The following SNTB2 variants were observed in gnomAD, a reference collection of about 807,000 sequenced individuals.
The protein encoded by SNTB2 is syntrophin beta 2, also known as beta-2-syntrophin.
A neutral mutation model predicts 46.2 loss-of-function variants in SNTB2; 34 were observed. That is an observed-to-expected ratio of 0.74 (90% CI 0.56 to 0.98). The LOEUF (loss-of-function observed/expected upper bound fraction) is 0.98, where lower values mean the gene tolerates loss of function less well. Ranked by LOEUF, SNTB2 falls within the 50% of genes least tolerant of loss-of-function variation. SNTB2 has a pLI of 0.00. For missense variants in SNTB2, 603 were observed against 731.4 expected (o/e 0.82, Z 2.02); for synonymous variants, 290 against 312.6 (o/e 0.93, Z 0.76).
intron 2 of SNTB2, among the ~76,000 whole-genome samples, chr16:69,254,960 T>G (rs1964759353): frequency 6.6e-6 from 1 of 152,164 alleles, no homozygotes; most frequent in African/African-American, 2.4e-5. Context: ...TTCTGCCCAG[T>G]AATCTGTGTC....
intron 1 of SNTB2, among the ~76,000 whole-genome samples, chr16:69,209,525 T>C (rs991013332): frequency 6.6e-6 from 1 of 152,220 alleles, no homozygotes; most frequent in African/African-American, 2.4e-5. Flanking sequence ...ATTCAACCAG[T>C]ATTTAATTCA....
intron 2 of SNTB2, among the ~76,000 whole-genome samples, 194 bp from the exon 3 acceptor site, chr16:69,259,856 T>C (rs920553863): frequency 6.9e-6 from 1 of 145,904 alleles, no homozygotes; most frequent in African/African-American, 2.5e-5. Context: ...GCAATCCCCC[T>C]GCCTTGGCCT....
intron 1 of SNTB2, among the ~76,000 whole-genome samples, chr16:69,191,557 C>CA (rs1204153764): frequency 0.081 from 4,846 of 60,090 alleles, 316 homozygotes; most frequent in Non-Finnish European, 0.12. Flanking sequence ...GATCCTGTCT[C>CA]AAAAAAAAAA....
chr16:69,254,911 TA>T (rs1380261366), intron 2 of SNTB2, among the ~76,000 whole-genome samples: 5 of 151,922 alleles, frequency 3.3e-5, no homozygotes, highest in Admixed American at 6.6e-5. Flanking sequence ...TTGAGACCTG[TA>T]TGGTCAAGGC....
Position 69,204,109 on chromosome 16 carries a change from T to G in SNTB2, c.580+16363T>G, listed in dbSNP as rs1010639902. ...AGTTTCACCATGTTGGCCAGGCTGGTCTCGAACTTCTGACCTCAAGCGATC... is the reference window on the plus strand; with the variant it reads ...AGTTTCACCATGTTGGCCAGGCTGGGCTCGAACTTCTGACCTCAAGCGATC... On this transcript the variant is annotated intron_variant, in intron 1 of 6. Transcript: ENST00000336278. Among the ~76,000 whole-genome samples the G allele has an allele frequency of 5.3e-5, 8 of 151,850 alleles. No homozygotes were observed. In the East Asian group the frequency reaches 1.5e-3, roughly 29 times the overall value.
intron 2 of SNTB2, among the ~76,000 whole-genome samples, chr16:69,250,391 T>C (rs1305686485): frequency 6.6e-6 from 1 of 152,236 alleles, no homozygotes; most frequent in East Asian, 1.9e-4. Flanking sequence ...GTCAAGCTAC[T>C]TGTTTTCCAC....
chr16:69,273,958 G>A (rs80224531), intron 4 of SNTB2, among the ~76,000 whole-genome samples: 23 of 152,206 alleles, frequency 1.5e-4, no homozygotes, highest in African/African-American at 5.3e-4. Flanking sequence ...AGTGTTAGCT[G>A]CTTTAATTAT....
At position 69,303,145 on chromosome 16, in the gene SNTB2, G is replaced by A. The variant is rs1463300138; in HGVS notation, c.*2221G>A. 6.6e-6 allele frequency: 1 copy of A among 152,180 alleles called. No individual in the cohort carries two copies. Among genetic ancestry groups the A allele is most frequent in the Non-Finnish European group, 1.5e-5 (1 of 68,050 alleles). The allele number at this position is 152,180 out of a possible 1,614,324, so 9.4% of individuals were successfully genotyped here. A position where few individuals can be genotyped will look rare whatever the true frequency, so the allele number is the denominator to read the frequency against. ...GCCTCCCAAAGTGCTGGGATTATAG[G>A]TGTGAGCCCCCGTGCCTGGCCCACA... is the stretch of plus-strand genomic sequence containing the variant. On this transcript the variant is annotated 3_prime_UTR_variant, in exon 7 of 7. Coordinates refer to ENST00000336278, the MANE Select transcript of SNTB2 (RefSeq NM_006750.4).
chr16:69,190,935 C>T (rs757917167), intron 1 of SNTB2, among the ~76,000 whole-genome samples: 16 of 152,184 alleles, frequency 1.1e-4, no homozygotes, highest in Non-Finnish European at 2.2e-4. Flanking sequence ...GGGAATACAG[C>T]AATGAACAGC....
chr16:69,261,436 A>C (rs914854531), intron 3 of SNTB2, among the ~76,000 whole-genome samples: 4 of 150,538 alleles, frequency 2.7e-5, no homozygotes, highest in Admixed American at 2.0e-4. Flanking sequence ...GTGGTAATTG[A>C]GGGGCCAATT....
intron 4 of SNTB2, among the ~76,000 whole-genome samples, chr16:69,282,017 T>C (rs1965053601): frequency 6.7e-6 from 1 of 148,630 alleles, no homozygotes; most frequent in African/African-American, 2.5e-5. Context: ...GCGATTCTCC[T>C]GCCTCAGCCT....
In SNTB2 at chr16:69,275,800, T is replaced by C. The variant is rs118077893; in HGVS notation, c.1148+5515T>C. Among the ~76,000 whole-genome samples the C allele has an allele frequency of 2.6e-3, 401 of 152,224 alleles. 4 individuals are homozygous for C. The East Asian group carries it at 0.027, about 10-fold the overall frequency. On this transcript the variant is annotated intron_variant, in intron 4 of 6. Coordinates refer to ENST00000336278, the MANE Select transcript of SNTB2 (RefSeq NM_006750.4). ...AATAAAAAAGGATTGCATAAACACA[T>C]AGGTAAGGAAAAGAAATTAAGGACC...
chr16:69,255,379 G>T (rs1037859275), intron 2 of SNTB2, among the ~76,000 whole-genome samples: 1 of 151,968 alleles, frequency 6.6e-6, no homozygotes, highest in Non-Finnish European at 1.5e-5. Flanking sequence ...GGCTAACATG[G>T]TGAAACCCCG....
intron 1 of SNTB2, among the ~76,000 whole-genome samples, chr16:69,189,248 AGT>A (rs1245057275): frequency 6.6e-6 from 1 of 152,158 alleles, no homozygotes; most frequent in African/African-American, 2.4e-5. Flanking sequence ...CTCGGAAATT[AGT>A]GTTAATAGAA....
At chr16:69,277,026 G>T (rs958438328) in intron 4 of SNTB2, among the ~76,000 whole-genome samples, 2 of 152,214 alleles carry the variant, frequency 1.3e-5, no homozygotes, top group African/African-American at 4.8e-5. Flanking sequence ...AAGAATGACT[G>T]TTGTCTCAAG....
At chr16:69,275,407 A>T (rs992786614) in intron 4 of SNTB2, among the ~76,000 whole-genome samples, 2 of 152,226 alleles carry the variant, frequency 1.3e-5, no homozygotes, top group African/African-American at 2.4e-5. Context: ...AACAACAGGG[A>T]TTCTTTACTC....
chr16:69,287,656 C>G (rs895019134), intron 5 of SNTB2, among the ~76,000 whole-genome samples: 4 of 151,982 alleles, frequency 2.6e-5, no homozygotes, highest in Non-Finnish European at 4.4e-5. Context: ...GAGGCCAGAT[C>G]GAGACCAGCC....
Position 69,247,953 on chromosome 16 carries a change from A to G in SNTB2, c.794+2138A>G, listed in dbSNP as rs556417415. 4.6e-5 allele frequency among the ~76,000 whole-genome samples: 7 copies of G among 152,208 alleles called. No homozygotes were observed. The South Asian group carries it at 1.5e-3, about 32-fold the overall frequency. On this transcript the variant is annotated intron_variant, in intron 2 of 6. Transcript: ENST00000336278. ...GGCAACACAGTGAGACCTCGCCTCT[A>G]CAGGATTTTTTAAAAAAAAATTAGC...
At chr16:69,219,654 T>C (rs1049100182) in intron 1 of SNTB2, among the ~76,000 whole-genome samples, 1 of 152,228 alleles carries the variant, frequency 6.6e-6, no homozygotes, top group African/African-American at 2.4e-5. Context: ...TCTCATTTGG[T>C]TGTAAATTTC....
Sources: allele counts gnomAD v4.1 joint callset (sites outside exome capture counted in the v4.1 genomes callset), GRCh38; gene constraint gnomAD v4.1.1; transcripts MANE v1.5; gene names NCBI Gene and HGNC (gene_info 2026-07-23, HGNC 2026-07-21).